EP400: variants seen among roughly 807,000 people sequenced by gnomAD.
EP400 encodes the protein E1A binding protein p400.
EP400 carries 105 observed loss-of-function variants against 354.1 expected under a neutral mutation model. That is an observed-to-expected ratio of 0.30 (90% CI 0.25 to 0.35). The LOEUF (loss-of-function observed/expected upper bound fraction) is 0.35. EP400 is among the 10% of genes least tolerant of loss of function. The pLI is 1.00. For synonymous variants in EP400, 1,646 were observed against 1,716.9 expected, an observed-to-expected ratio of 0.96 and a Z score of 1.02; for missense variants, 3,280 against 4,121.0, an observed-to-expected ratio of 0.80 and a Z score of 5.59.
chr12:132,055,697 T>G, intron 45 of EP400, among the ~76,000 whole-genome samples: 1 of 124,332 alleles, frequency 8.0e-6, no homozygotes, highest in African/African-American at 3.1e-5. Flanking sequence ...GTGTGTGAAG[T>G]GTAGGGGTGT....
Position 132,017,414 on chromosome 12 carries a change from G to A in EP400, c.3924-121G>A. On this transcript the variant is annotated intron_variant, in intron 19 of 52. Coordinates refer to ENST00000389561, the MANE Select transcript of EP400 (RefSeq NM_015409.5). The surrounding 1 kb of genome is among the most constrained non-coding windows in gnomAD (Gnocchi z 5.0). ...ATGGCCACTCTGTCTAACTCATTAAGCGGACCTAGAAAATCTGCTCCTGCC... is the reference window on the plus strand; with the variant it reads ...ATGGCCACTCTGTCTAACTCATTAAACGGACCTAGAAAATCTGCTCCTGCC... 9.7e-7 allele frequency: 1 copy of A among 1,028,506 alleles called. No homozygotes were observed. The highest frequency in any genetic ancestry group is 1.4e-6 in the Non-Finnish European group (1 of 696,408). 63.7% of individuals were successfully genotyped at this position (1,028,506 alleles called of 1,614,324 possible). A position where few individuals can be genotyped will look rare whatever the true frequency, so the allele number is the denominator to read the frequency against.
chr12:131,979,872 T>C (rs1892620854), intron 3 of EP400, 79 bp downstream of exon 3: 1 of 1,180,312 alleles, frequency 8.5e-7, no homozygotes, highest in Non-Finnish European at 1.2e-6. Context: ...CATGAGTTTC[T>C]GAAGAGCAGT....
Position 132,018,695 on chromosome 12 carries a change from T to C in EP400, c.4277+319T>C, listed in dbSNP as rs529429011. On this transcript the variant is annotated intron_variant, in intron 21 of 52. Transcript: ENST00000389561. The surrounding 1 kb of genome is among the most constrained non-coding windows in gnomAD (Gnocchi z 4.0). ...GAGGCTGGTGTGGCCGAACCACACA[T>C]GTGTCGTGAGTGTGGCAGGCAGAGG... Among the ~76,000 whole-genome samples the C allele has an allele frequency of 2.0e-5, 3 of 152,088 alleles. No individual in the cohort carries two copies. The highest frequency in any genetic ancestry group is 6.5e-5 in the Admixed American group (1 of 15,276).
rs776192480 is a variant in EP400 at position 132,020,176 on chromosome 12, C to T, written c.4405C>T (p.Arg1469Trp). The change falls in exon 22 of 53, where the codon CGG (arginine) becomes TGG (tryptophan). Residue 1469 changes from arginine to tryptophan, a missense_variant. Around this residue, in one of 20 missense-constraint regions of EP400, gnomAD observed 342 missense variants for 342.7 expected, o/e 1.00. Transcript: ENST00000389561. ...SAAPQGPLRGRPPIATFSANP... is the reference protein window; with the variant it reads ...SAAPQGPLRGWPPIATFSANP... ...TGCTCCACAGGGCCCGCTTCGAGGA[C>T]GGCCGCCCATCGCCACGTTCTCTGC... The T allele has an allele frequency of 2.0e-5, 33 of 1,610,110 alleles. No homozygotes were observed. Among genetic ancestry groups the T allele is most frequent in the South Asian group, 1.1e-4 (10 of 90,116 alleles).
chr12:132,004,304 A>G (rs1459807570), intron 12 of EP400, among the ~76,000 whole-genome samples: 2 of 152,214 alleles, frequency 1.3e-5, no homozygotes, highest in African/African-American at 4.8e-5. Context: ...GGGATGATTA[A>G]TGAAAAAACA....
rs187208876 is a variant in EP400 at position 132,007,107 on chromosome 12, C to T, written c.3304+230C>T. 9.2e-5 allele frequency among the ~76,000 whole-genome samples: 14 copies of T among 152,330 alleles called. No homozygotes were observed. In the East Asian group the frequency reaches 2.7e-3, roughly 29 times the overall value. On this transcript the variant is annotated intron_variant, in intron 15 of 52. Transcript: ENST00000389561. The stretch of plus-strand genomic sequence containing the variant: ...GAAAATCTAATAAAATACAGAGACT[C>T]GTCAGGCTATGACTGAACCTTGTGA...
At chr12:131,984,082 T>TA (rs1892772282) in intron 5 of EP400, among the ~76,000 whole-genome samples, 1 of 152,092 alleles carries the variant, frequency 6.6e-6, no homozygotes, top group Admixed American at 6.6e-5. Context: ...GTGTTTTTAG[T>TA]AAAGACGAGG....
intron 45 of EP400, among the ~76,000 whole-genome samples, chr12:132,056,460 C>T (rs1895520650): frequency 6.6e-6 from 1 of 151,846 alleles, no homozygotes; most frequent in African/African-American, 2.4e-5. Context: ...TTCAGTTGAC[C>T]TCAGTAAAAG....
Position 132,050,701 on chromosome 12 carries a change from C to A in EP400, c.7394+46C>A. ...CATTTGTTACTGTTTGGAAGGATTTCATTCCAGTGTCATCTAAGTTCAGTG... is the reference window on the plus strand; with the variant it reads ...CATTTGTTACTGTTTGGAAGGATTTAATTCCAGTGTCATCTAAGTTCAGTG... On this transcript the variant is annotated intron_variant, in intron 41 of 52. Transcript: ENST00000389561. This position sits in a 1 kb window ranked among gnomAD's most constrained non-coding sequence, Gnocchi z 4.8. 1.2e-6 allele frequency: 2 copies of A among 1,609,652 alleles called. No homozygotes were observed. The highest frequency in any genetic ancestry group is 1.1e-5 in the South Asian group (1 of 90,958).
intron 1 of EP400, among the ~76,000 whole-genome samples, chr12:131,956,042 C>T (rs1344253260): frequency 3.3e-5 from 5 of 152,182 alleles, no homozygotes; most frequent in African/African-American, 1.2e-4. Flanking sequence ...CCTCATGCAT[C>T]TCTCTAGTCA....
intron 34 of EP400, 142 bp downstream of exon 34, chr12:132,043,870 G>A: frequency 1.2e-6 from 1 of 854,282 alleles, no homozygotes; most frequent in South Asian, 1.8e-5. Context: ...AAAATGAAGA[G>A]AGTCTCGAGA....
chr12:132,080,460 AT>A (rs927976509), downstream of EP400: 1 of 152,572 alleles, frequency 6.6e-6, no homozygotes, highest in Non-Finnish European at 1.5e-5. Context: ...CTTTTTATAT[AT>A]TTTTTCATTT....
rs554665198 is a variant in EP400, at chr12:131,954,856, C to G, written c.-36+4820C>G. Among the ~76,000 whole-genome samples the G allele has an allele frequency of 2.0e-5, 3 of 151,516 alleles. No homozygotes were observed. The East Asian group carries it at 5.8e-4, about 29-fold the overall frequency. On this transcript the variant is annotated intron_variant, in intron 1 of 52. Coordinates refer to ENST00000389561, the MANE Select transcript of EP400 (RefSeq NM_015409.5). ...TAGCATAGGCAACATGGTGAAACCT[C>G]GTCTGTACAAAAAATACAAAAATTA...
chr12:132,045,644 C>T, intron 38 of EP400, 83 bp from the exon 39 acceptor site: 1 of 1,603,186 alleles, frequency 6.2e-7, no homozygotes. Context: ...ACTGTGATCA[C>T]TTTGCAGGGA....
At chr12:132,032,171 G>A in intron 30 of EP400, 22 bp downstream of exon 30, 1 of 1,598,736 alleles carries the variant, frequency 6.3e-7, no homozygotes, top group Non-Finnish European at 8.5e-7. Context: ...CGGGGGATAG[G>A]ATCAGGAGAT....
intron 12 of EP400, among the ~76,000 whole-genome samples, chr12:132,001,996 T>G (rs1322880909): frequency 6.6e-6 from 1 of 152,228 alleles, no homozygotes; most frequent in Non-Finnish European, 1.5e-5. Flanking sequence ...GTCTCTTGCC[T>G]CGGCACCTGG....
intron 32 of EP400, among the ~76,000 whole-genome samples, chr12:132,040,924 C>T (rs1417754897): frequency 6.6e-6 from 1 of 152,066 alleles, no homozygotes; most frequent in African/African-American, 2.4e-5. Flanking sequence ...AAGGGGGATC[C>T]TGGGGACCAG....
In EP400 at chr12:131,994,851, C is replaced by G. The variant is rs139055745; in HGVS notation, c.2738-16C>G. 0.01 allele frequency: 16,213 copies of G among 1,612,762 alleles called. 126 individuals carry two copies. The highest frequency in any genetic ancestry group is 0.016 in the Middle Eastern group (99 of 6,054). On this transcript the variant is annotated splice_polypyrimidine_tract_variant and intron_variant, in intron 11 of 52. Transcript: ENST00000389561. The surrounding 1 kb of genome is among the most constrained non-coding windows in gnomAD (Gnocchi z 4.6). ...TGGTGTTGCCTCTCAGTGACACTTG[C>G]TGATAACCATTTTAGTGGACGATGA... is the stretch of plus-strand genomic sequence containing the variant.
intron 45 of EP400, among the ~76,000 whole-genome samples, chr12:132,061,562 A>G (rs1026639557): frequency 6.6e-6 from 1 of 152,094 alleles, no homozygotes; most frequent in Non-Finnish European, 1.5e-5. Flanking sequence ...GCAAGGTGGG[A>G]TAGGGTGAGG....
Sources: gnomAD v4.1 joint callset for allele counts (sites outside exome capture counted in the v4.1 genomes callset) on GRCh38, gnomAD v4.1.1 for gene constraint, gnomAD v4.1.1 regional missense constraint, Gnocchi (gnomAD v3.1) non-coding constraint, MANE v1.5 for transcripts, NCBI Gene and HGNC (gene_info 2026-07-23, HGNC 2026-07-21) for gene names.